The following VWF variants were observed in gnomAD, a reference collection of about 807,000 sequenced individuals.
The protein encoded by VWF is von Willebrand factor.
A neutral mutation model predicts 308.6 loss-of-function variants in VWF; 176 were observed. The observed-to-expected ratio is 0.57, with a 90% CI of 0.50 to 0.65. The LOEUF is 0.65. VWF is among the 30% of genes least tolerant of loss of function. The pLI is 0.00. For missense variants in VWF, 3,146 were observed against 3,648.2 expected (o/e 0.86, Z 3.55); for synonymous variants, 1,385 against 1,443.4 (o/e 0.96, Z 0.92).
intron 16 of VWF, among the ~76,000 whole-genome samples, chr12:6,047,290 C>T (rs966942281): frequency 1.3e-5 from 2 of 152,158 alleles, no homozygotes; most frequent in African/African-American, 2.4e-5. Flanking sequence ...CTCCTTTGAA[C>T]CCCAGACCCA....
intron 10 of VWF, among the ~76,000 whole-genome samples, chr12:6,066,533 G>A (rs76135318): frequency 1.3e-5 from 2 of 152,366 alleles, no homozygotes; most frequent in East Asian, 1.9e-4. Context: ...CACATAGAGT[G>A]CACAGGGCTT....
rs770954146 is a variant in VWF at position 6,123,185 on chromosome 12, G to T, written c.12C>A (p.Ala4=). 5 of 1,614,098 alleles carry T rather than the reference G, an allele frequency of 3.1e-6. No homozygotes were observed. Among genetic ancestry groups the T allele is most frequent in the Admixed American group, 1.7e-5 (1 of 60,014 alleles). Residue 4 remains alanine, a synonymous_variant, in exon 2 of 52, where the codon GCC becomes GCA. Transcript: ENST00000261405. The part of the protein sequence containing the change: MIP[A]RFAGVLLALA... ...GAGCAAGCAGCACCCCGGCAAATCT[G>T]GCAGGAATCATCTGCAAAGAAGCAA...
At chr12:6,009,222 C>T in intron 34 of VWF, among the ~76,000 whole-genome samples, 1 of 148,438 alleles carries the variant, frequency 6.7e-6, no homozygotes, top group Non-Finnish European at 1.5e-5. Context: ...ATATTAGGAA[C>T]TCATACAACT....
At chr12:6,000,188 A>G (rs1290687966) in intron 34 of VWF, among the ~76,000 whole-genome samples, 1 of 152,240 alleles carries the variant, frequency 6.6e-6, no homozygotes, top group Admixed American at 6.5e-5. Context: ...GATGTCCGGA[A>G]AAATTAACCC....
At chr12:6,023,550 C>T in intron 25 of VWF, 81 bp downstream of exon 25, 2 of 1,571,532 alleles carry the variant, frequency 1.3e-6, no homozygotes, top group South Asian at 2.3e-5. Flanking sequence ...GAAGATATCC[C>T]CCTGCACTCA....
chr12:6,062,121 A>G (rs1351720827), intron 13 of VWF, among the ~76,000 whole-genome samples: 1 of 152,224 alleles, frequency 6.6e-6, no homozygotes, highest in Non-Finnish European at 1.5e-5. Context: ...ATACCAATAA[A>G]TATAATCCTC....
At chr12:6,092,624 T>TGAGAGAGA (rs1180180618) in intron 6 of VWF, among the ~76,000 whole-genome samples, 4 of 87,014 alleles carry the variant, frequency 4.6e-5, no homozygotes, top group South Asian at 3.4e-4. Flanking sequence ...TGAGAGTGTG[T>TGAGAGAGA]GTGTGTGTGT....
Position 6,060,060 on chromosome 12 carries a change from T to C in VWF, c.1534-2016A>G, listed in dbSNP as rs1158377081. ...CACTCTAAAACCAGGTCTTCTCCCA[T>C]CCCCTTGGCTTGTCTCGGAGGTCAG... is the stretch of plus-strand genomic sequence containing the variant. On this transcript the variant is annotated intron_variant, in intron 13 of 51. Coordinates refer to ENST00000261405, the MANE Select transcript of VWF (RefSeq NM_000552.5). This position sits in a 1 kb window ranked among gnomAD's most constrained non-coding sequence, Gnocchi z 5.1. Among the ~76,000 whole-genome samples, 1 of 150,794 alleles carries C rather than the reference T, an allele frequency of 6.6e-6. No individual in the cohort carries two copies. The highest frequency in any genetic ancestry group is 1.5e-5 in the Non-Finnish European group (1 of 67,734).
At chr12:6,073,588 T>C (rs777535069) in intron 8 of VWF, 31 bp downstream of exon 8, 27 of 1,613,598 alleles carry the variant, frequency 1.7e-5, no homozygotes, top group Non-Finnish European at 2.1e-5. Flanking sequence ...GCAAGGTCTC[T>C]GATCTGTAAA....
intron 6 of VWF, among the ~76,000 whole-genome samples, chr12:6,081,171 T>C (rs572011299): frequency 6.6e-6 from 1 of 152,230 alleles, no homozygotes; most frequent in South Asian, 2.1e-4. Context: ...CTAAAGTACT[T>C]TCAGAGACCA....
At chr12:6,055,759 T>TACACACACACACACACACAC (rs775653228) in intron 15 of VWF, among the ~76,000 whole-genome samples, 4 of 66,260 alleles carry the variant, frequency 6.0e-5, no homozygotes, top group East Asian at 2.6e-4. Context: ...TATATATATG[T>TACACACACACACACACACAC]ATACACACAC....
chr12:6,071,843 G>A (rs1265513899), intron 9 of VWF, among the ~76,000 whole-genome samples: 1 of 152,188 alleles, frequency 6.6e-6, no homozygotes, highest in Admixed American at 6.5e-5. Flanking sequence ...CCAGCCAGAG[G>A]TGACATCCAG....
intron 6 of VWF, among the ~76,000 whole-genome samples, chr12:6,082,846 G>C (rs780530676): frequency 6.6e-6 from 1 of 152,310 alleles, no homozygotes; most frequent in South Asian, 2.1e-4. Context: ...TTTAACACTA[G>C]TGATGGGGTG....
chr12:6,048,843 C>T (rs528641683), intron 16 of VWF, among the ~76,000 whole-genome samples: 1 of 152,320 alleles, frequency 6.6e-6, no homozygotes, highest in African/African-American at 2.4e-5. Context: ...TCAGCCCTTC[C>T]CTTTCTGAGC....
rs1221188333 is a variant in VWF, at chr12:6,092,616, AGAGTGTGTGTGT to A, written c.657+2832_657+2843del. On this transcript the variant is annotated intron_variant, in intron 6 of 51. Transcript: ENST00000261405. ...TGCCCAGCTAGTTAGTGAGTGAGTG[AGAGTGTGTGTGT>A]GTGTGTGTGTGTGTGTGTGTGTGTG... Among the ~76,000 whole-genome samples, 22 of 96,668 alleles carry A rather than the reference AGAGTGTGTGTGT, an allele frequency of 2.3e-4. 1 individual carries two copies. Among genetic ancestry groups the A allele is most frequent in the South Asian group, 3.0e-4 (1 of 3,332 alleles). The allele number at this position is 96,668 out of a possible 152,430, so 63.4% of individuals were successfully genotyped here.
chr12:6,063,106 G>C lies in VWF; in HGVS notation c.1433-52C>G. On this transcript the variant is annotated intron_variant, in intron 12 of 51. Transcript: ENST00000261405. The surrounding 1 kb of genome is among the most constrained non-coding windows in gnomAD (Gnocchi z 4.9). ...GCAGAGGTGGGGAGAGGACAGGGTGGTGGCAGGCAGATGTATTTGGGAGGA... is the reference window on the plus strand; with the variant it reads ...GCAGAGGTGGGGAGAGGACAGGGTGCTGGCAGGCAGATGTATTTGGGAGGA... 1.4e-6 allele frequency: 2 copies of C among 1,478,602 alleles called. No homozygotes were observed. The allele number at this position is 1,478,602 out of a possible 1,614,324, so 91.6% of individuals were successfully genotyped here.
In VWF at chr12:6,036,373, C is replaced by G; in HGVS notation, c.2546+15G>C. 1 of 1,613,506 alleles carries G rather than the reference C, an allele frequency of 6.2e-7. No individual in the cohort carries two copies. The highest frequency in any genetic ancestry group is 8.5e-7 in the Non-Finnish European group (1 of 1,179,424). Reference sequence around the variant, plus strand: ...AGGGCCTGGGTCCCCGGCGCAGCCCCTCACTGAGCCTCACCAAGTGTTGCA... The same window carrying G: ...AGGGCCTGGGTCCCCGGCGCAGCCCGTCACTGAGCCTCACCAAGTGTTGCA... On this transcript the variant is annotated intron_variant, in intron 19 of 51. Transcript: ENST00000261405.
At chr12:5,971,431 T>C (rs1943472725) in intron 44 of VWF, among the ~76,000 whole-genome samples, 168 bp downstream of exon 44, 1 of 152,222 alleles carries the variant, frequency 6.6e-6, no homozygotes, top group African/African-American at 2.4e-5. Flanking sequence ...TCTTAACTGG[T>C]TCCTAAGGGG....
At chr12:6,080,980 C>A (rs532347910) in intron 6 of VWF, among the ~76,000 whole-genome samples, 2 of 152,274 alleles carry the variant, frequency 1.3e-5, no homozygotes, top group Admixed American at 6.5e-5. Context: ...AGGAGCCAGG[C>A]GGGATGCCTA....
Sources: allele counts gnomAD v4.1 joint callset (sites outside exome capture counted in the v4.1 genomes callset), GRCh38; gene constraint gnomAD v4.1.1; non-coding constraint Gnocchi (gnomAD v3.1); transcripts MANE v1.5; gene names NCBI Gene and HGNC (gene_info 2026-07-23, HGNC 2026-07-21).